MTSS1: variants seen among roughly 807,000 people sequenced by gnomAD.
The protein encoded by MTSS1 is MTSS I-BAR domain containing 1.
Under a neutral mutation model 79.0 loss-of-function variants are expected in MTSS1, and 18 were observed. That is an observed-to-expected ratio of 0.23 (90% confidence interval 0.16 to 0.34). The LOEUF (loss-of-function observed/expected upper bound fraction) is 0.34. Ranked by LOEUF, MTSS1 falls within the 10% of genes least tolerant of loss-of-function variation. The pLI is 1.00. For synonymous variants in MTSS1, 341 were observed against 368.6 expected (o/e 0.93, Z 0.86); for missense variants, 815 against 986.2 (o/e 0.83, Z 2.33).
At chr8:124,700,186 A>G (rs1363114053) in intron 2 of MTSS1, among the ~76,000 whole-genome samples, 1 of 152,166 alleles carries the variant, frequency 6.6e-6, no homozygotes, top group Non-Finnish European at 1.5e-5. Flanking sequence ...AAAGTTTTAT[A>G]CAGGAGGAAA....
chr8:124,657,475 C>CAA (rs58258455), intron 3 of MTSS1, among the ~76,000 whole-genome samples: 2,561 of 106,926 alleles, frequency 0.024, 81 homozygotes, highest in African/African-American at 0.077. Context: ...GCAGAGTCAG[C>CAA]AAAAAAAAAA....
intron 3 of MTSS1, among the ~76,000 whole-genome samples, chr8:124,668,401 C>T (rs1823514863): frequency 6.6e-6 from 1 of 152,194 alleles, no homozygotes; most frequent in African/African-American, 2.4e-5. Context: ...TACCTCAGCT[C>T]ACATCTACGG....
chr8:124,608,546 G>T (rs1835238220), intron 3 of MTSS1, among the ~76,000 whole-genome samples: 2 of 152,252 alleles, frequency 1.3e-5, no homozygotes, highest in Admixed American at 1.3e-4. Context: ...ATCTTTTCAA[G>T]CAGTGGGCCT....
intron 3 of MTSS1, among the ~76,000 whole-genome samples, chr8:124,660,943 G>A (rs114151870): frequency 0.036 from 5,511 of 152,204 alleles, 128 homozygotes; most frequent in South Asian, 0.083. Context: ...CCACGCACAC[G>A]TACACACACG....
intron 3 of MTSS1, among the ~76,000 whole-genome samples, chr8:124,689,607 A>G (rs1354345320): frequency 2.6e-5 from 4 of 151,958 alleles, no homozygotes; most frequent in Admixed American, 6.6e-5. Context: ...TTAGCTGGGC[A>G]TGGTGGCGCA....
Position 124,565,718 on chromosome 8 carries a change from A to G in MTSS1, c.768T>C (p.Tyr256=). The G allele has an allele frequency of 6.2e-7, 1 of 1,614,090 alleles. No homozygotes were observed. Among genetic ancestry groups the G allele is most frequent in the East Asian group, 2.2e-5 (1 of 44,888 alleles). ...DLKGSDYSWS[Y]QTPPSSPSTT... ...TGCTGGGGGAAGAGGGTGGCGTCTGATACGACCAGCTGTAATCAGAACCTT... is the reference window on the plus strand; with the variant it reads ...TGCTGGGGGAAGAGGGTGGCGTCTGGTACGACCAGCTGTAATCAGAACCTT... The change falls in exon 9 of 14, where the codon TAT becomes TAC. Residue 256 remains tyrosine, a synonymous_variant. Transcript: ENST00000518547.
intron 3 of MTSS1, among the ~76,000 whole-genome samples, chr8:124,639,079 G>A (rs547024264): frequency 6.6e-6 from 1 of 152,336 alleles, no homozygotes; most frequent in South Asian, 2.1e-4. Flanking sequence ...GCTCATGCCT[G>A]TAATCTCAGC....
At chr8:124,693,688 G>A (rs1828325676) in intron 3 of MTSS1, among the ~76,000 whole-genome samples, 1 of 152,160 alleles carries the variant, frequency 6.6e-6, no homozygotes, top group African/African-American at 2.4e-5. Context: ...AAGTCTGAGA[G>A]GGGACCTCAA....
intron 3 of MTSS1, among the ~76,000 whole-genome samples, chr8:124,695,946 G>A (rs1315551383): frequency 6.6e-6 from 1 of 151,848 alleles, no homozygotes; most frequent in Non-Finnish European, 1.5e-5. Flanking sequence ...ATTCCCGGGA[G>A]GGGCGGGGAA....
At chr8:124,645,938 G>A (rs1243622154) in intron 3 of MTSS1, among the ~76,000 whole-genome samples, 1 of 152,116 alleles carries the variant, frequency 6.6e-6, no homozygotes, top group Non-Finnish European at 1.5e-5. Flanking sequence ...TTCAGAAGCT[G>A]CTCATGCAAA....
At chr8:124,576,304 G>A (rs1828944764) in intron 6 of MTSS1, among the ~76,000 whole-genome samples, 1 of 152,130 alleles carries the variant, frequency 6.6e-6, no homozygotes, top group Non-Finnish European at 1.5e-5. Flanking sequence ...CAAATTTGTG[G>A]TCGGCTGGGC....
chr8:124,598,557 G>A (rs1313949164), intron 3 of MTSS1, among the ~76,000 whole-genome samples: 8 of 152,084 alleles, frequency 5.3e-5, no homozygotes, highest in African/African-American at 1.4e-4. Context: ...TGGCCTCCCC[G>A]CAAACCCTCG....
chr8:124,586,623 G>A (rs1018578004), intron 5 of MTSS1, among the ~76,000 whole-genome samples: 3 of 152,146 alleles, frequency 2.0e-5, no homozygotes, highest in Non-Finnish European at 2.9e-5. Context: ...GCTGCTACTC[G>A]GGTCGCGCTC....
At chr8:124,695,659 G>T (rs1828685063) in intron 3 of MTSS1, among the ~76,000 whole-genome samples, 1 of 152,216 alleles carries the variant, frequency 6.6e-6, no homozygotes, top group South Asian at 2.1e-4. Flanking sequence ...TGACTCAGTT[G>T]TGCTATATTC....
intron 3 of MTSS1, among the ~76,000 whole-genome samples, chr8:124,618,635 GGA>G (rs1292561967): frequency 1.2e-4 from 19 of 152,176 alleles, no homozygotes; most frequent in African/African-American, 4.6e-4. Flanking sequence ...CCAATCCAAA[GGA>G]GACACCAAGT....
At chr8:124,708,741 C>G (rs1830731130) in intron 1 of MTSS1, among the ~76,000 whole-genome samples, 1 of 152,136 alleles carries the variant, frequency 6.6e-6, no homozygotes, top group South Asian at 2.1e-4. Flanking sequence ...CAGCTAACAG[C>G]TCCCCACCTA....
chr8:124,557,934 T>G, intron 10 of MTSS1, 59 bp from the exon 11 acceptor site: 1 of 1,331,480 alleles, frequency 7.5e-7, no homozygotes. Flanking sequence ...ACAGGATGAG[T>G]GCGGAGATAC....
At chr8:124,636,684 T>C (rs7017138) in intron 3 of MTSS1, among the ~76,000 whole-genome samples, 40,022 of 152,036 alleles carry the variant, frequency 0.26, 7,814 homozygotes, top group African/African-American at 0.56. Flanking sequence ...CACTTAGAGG[T>C]ACAGCTGACC....
At position 124,553,301 on chromosome 8, in the gene MTSS1, G is replaced by A; in HGVS notation, c.1959C>T (p.Gly653=). 6.2e-7 allele frequency: 1 copy of A among 1,614,134 alleles called. No homozygotes were observed. The highest frequency in any genetic ancestry group is 8.5e-7 in the Non-Finnish European group (1 of 1,180,012). Residue 653 remains glycine (G), a synonymous_variant, in exon 14 of 14, where the codon GGC becomes GGT. Coordinates refer to ENST00000518547, the MANE Select transcript of MTSS1 (RefSeq NM_014751.6). The surrounding 1 kb of genome is among the most constrained non-coding windows in gnomAD (Gnocchi z 6.0). ...AGGGCATGCTGGTGACACCTTGGGG[G>A]CCCTCACCCACAGATGGCGACTCAG... ...HSPESPSVGE[G]PQGVTSMPSS...
Sources: allele counts gnomAD v4.1 joint callset (sites outside exome capture counted in the v4.1 genomes callset), GRCh38; gene constraint gnomAD v4.1.1; non-coding constraint Gnocchi (gnomAD v3.1); transcripts MANE v1.5; gene names NCBI Gene and HGNC (gene_info 2026-07-23, HGNC 2026-07-21).